The following PSD3 variants were observed in gnomAD, a reference collection of about 807,000 sequenced individuals.
PSD3 encodes pleckstrin and Sec7 domain containing 3, also known as PH and SEC7 domain-containing protein 3.
In PSD3, 49 loss-of-function variants were observed where a neutral mutation model predicts 105.5. That is an observed-to-expected ratio of 0.46 (90% CI 0.37 to 0.59). The LOEUF is 0.59. PSD3 is among the 20% of genes least tolerant of loss of function. PSD3 has a pLI of 0.00. For missense variants in PSD3, 1,561 were observed against 1,263.8 expected, an observed-to-expected ratio of 1.24 and a Z score of -3.57; for synonymous variants, 557 against 457.8, an observed-to-expected ratio of 1.22 and a Z score of -2.77.
chr8:19,035,647 T>TA (rs925296733), intron 1 of PSD3, among the ~76,000 whole-genome samples: 1 of 151,406 alleles, frequency 6.6e-6, no homozygotes, highest in Non-Finnish European at 1.5e-5. Flanking sequence ...CTCCCAAAGT[T>TA]ACGTTTTTTT....
intron 1 of PSD3, among the ~76,000 whole-genome samples, chr8:19,065,197 C>G (rs1829036309): frequency 6.6e-6 from 1 of 152,128 alleles, no homozygotes; most frequent in African/African-American, 2.4e-5. Flanking sequence ...CTATAAAACT[C>G]TGAGGGGAAA....
At chr8:19,045,415 T>C (rs1289897329) in intron 1 of PSD3, among the ~76,000 whole-genome samples, 2 of 152,152 alleles carry the variant, frequency 1.3e-5, no homozygotes, top group African/African-American at 2.4e-5. Flanking sequence ...TTAACAAAAG[T>C]GTTAAGGGAG....
intron 1 of PSD3, among the ~76,000 whole-genome samples, chr8:19,069,055 C>T (rs1373232317): frequency 1.3e-5 from 2 of 152,152 alleles, no homozygotes; most frequent in Admixed American, 6.5e-5. Context: ...TTCAAACTAA[C>T]GTCAAGCTCA....
At chr8:18,799,399 G>T (rs374593475) in intron 7 of PSD3, 46 bp from the exon 8 acceptor site, 2 of 1,417,710 alleles carry the variant, frequency 1.4e-6, no homozygotes, top group Admixed American at 1.7e-5. Flanking sequence ...GCTTTTCACT[G>T]TTGGACTCCA....
At chr8:18,937,385 C>T (rs1822209361) in intron 1 of PSD3, among the ~76,000 whole-genome samples, 1 of 152,108 alleles carries the variant, frequency 6.6e-6, no homozygotes, top group South Asian at 2.1e-4. Flanking sequence ...GGGAGAGAAG[C>T]GTGAAGGGTT....
intron 15 of PSD3, among the ~76,000 whole-genome samples, chr8:18,555,266 C>T (rs1801000729): frequency 6.6e-6 from 1 of 152,058 alleles, no homozygotes; most frequent in South Asian, 2.1e-4. Flanking sequence ...GCCACAGACA[C>T]TGATCGCTAG....
intron 2 of PSD3, among the ~76,000 whole-genome samples, chr8:18,910,524 T>C (rs1406779786): frequency 8.6e-6 from 1 of 116,428 alleles, no homozygotes; most frequent in African/African-American, 3.3e-5. Context: ...CATTGGGAGA[T>C]ATACCTAATG....
At chr8:18,682,445 C>T (rs897554243) in intron 9 of PSD3, among the ~76,000 whole-genome samples, 2 of 152,190 alleles carry the variant, frequency 1.3e-5, no homozygotes, top group Non-Finnish European at 2.9e-5. Context: ...AGTCCTGACA[C>T]CACAGGTGGT....
chr8:18,912,305 A>C (rs1288446890), intron 2 of PSD3, among the ~76,000 whole-genome samples: 1 of 152,230 alleles, frequency 6.6e-6, no homozygotes, highest in Non-Finnish European at 1.5e-5. Flanking sequence ...TCTGAAGGAA[A>C]TCTGCTAGCA....
intron 2 of PSD3, among the ~76,000 whole-genome samples, chr8:18,905,349 A>G (rs562156573): frequency 1.3e-4 from 20 of 152,246 alleles, no homozygotes; most frequent in Non-Finnish European, 2.2e-4. Context: ...TTTGAGACGG[A>G]GTCTTGCTCT....
At chr8:18,783,495 G>C (rs192344451) in intron 8 of PSD3, among the ~76,000 whole-genome samples, 1 of 152,044 alleles carries the variant, frequency 6.6e-6, no homozygotes, top group African/African-American at 2.4e-5. Context: ...TCTTTGGACT[G>C]AGTTTGCTTT....
chr8:18,884,884 C>T (rs17127397), intron 2 of PSD3, among the ~76,000 whole-genome samples: 15,951 of 152,184 alleles, frequency 0.1, 1,073 homozygotes, highest in Admixed American at 0.22. Flanking sequence ...GGAGTGGCAC[C>T]GCATACAGCA....
intron 1 of PSD3, among the ~76,000 whole-genome samples, chr8:19,004,636 A>C (rs1358602433): frequency 3.9e-5 from 6 of 152,108 alleles, no homozygotes; most frequent in Non-Finnish European, 1.5e-5. Context: ...ATCTGAATAG[A>C]CACTTCTCCA....
At chr8:18,697,771 A>C (rs1311370198) in intron 9 of PSD3, among the ~76,000 whole-genome samples, 1 of 152,140 alleles carries the variant, frequency 6.6e-6, no homozygotes, top group Non-Finnish European at 1.5e-5. Context: ...GTTGGATGAA[A>C]TAACCTCTCC....
At chr8:18,799,081 C>T (rs1810447387) in intron 8 of PSD3, 3 of 505,304 alleles carry the variant, frequency 5.9e-6, no homozygotes, top group Non-Finnish European at 1.1e-5. Context: ...TAAAACAACT[C>T]CAGACACCAG....
At chr8:18,811,086 G>C (rs1044952956) in intron 4 of PSD3, among the ~76,000 whole-genome samples, 2 of 152,170 alleles carry the variant, frequency 1.3e-5, no homozygotes, top group African/African-American at 4.8e-5. Context: ...ATTCAGAAGA[G>C]CCATAGCACC....
chr8:18,589,226 C>G (rs1201748225), intron 12 of PSD3, among the ~76,000 whole-genome samples: 2 of 152,124 alleles, frequency 1.3e-5, no homozygotes, highest in Non-Finnish European at 2.9e-5. Flanking sequence ...AGCTTATAGA[C>G]TCCATAGGAA....
chr8:19,001,892 C>A (rs1826419047), intron 1 of PSD3: 2 of 185,656 alleles, frequency 1.1e-5, no homozygotes, highest in South Asian at 1.5e-4. Context: ...AAACTGTGGA[C>A]AAGGCACAAG....
At chr8:18,844,014 C>G (rs1335336289) in intron 4 of PSD3, among the ~76,000 whole-genome samples, 1 of 151,518 alleles carries the variant, frequency 6.6e-6, no homozygotes, top group African/African-American at 2.4e-5. Flanking sequence ...AAGGTTAACC[C>G]TACACAAGGT....
Sources: allele counts gnomAD v4.1 joint callset (sites outside exome capture counted in the v4.1 genomes callset), GRCh38; gene constraint gnomAD v4.1.1; transcripts MANE v1.5; gene names NCBI Gene and HGNC (gene_info 2026-07-23, HGNC 2026-07-21).